The following GAS7 variants were observed in gnomAD, a reference collection of about 807,000 sequenced individuals.
The protein encoded by GAS7 is growth arrest specific 7.
Under a neutral mutation model 71.1 loss-of-function variants are expected in GAS7, and 28 were observed. That is an observed-to-expected ratio of 0.39 (90% CI 0.29 to 0.54). GAS7 has a LOEUF of 0.54. Among genes scored for constraint, GAS7 ranks in the 20% least tolerant of loss-of-function variants. The pLI, the probability that GAS7 is intolerant of heterozygous loss-of-function variation, is 0.62. For synonymous variants in GAS7, 258 were observed against 245.8 expected (o/e 1.05, Z -0.46); for missense variants, 436 against 627.8 (o/e 0.69, Z 3.27).
intron 1 of GAS7, among the ~76,000 whole-genome samples, chr17:10,197,403 A>C (rs1567629221): frequency 1.3e-5 from 2 of 151,720 alleles, no homozygotes; most frequent in African/African-American, 2.4e-5. Flanking sequence ...CTGGAAGGTC[A>C]CCCCCCCACA....
At chr17:10,004,794 G>A (rs1314523615) in intron 2 of GAS7, among the ~76,000 whole-genome samples, 2 of 152,124 alleles carry the variant, frequency 1.3e-5, no homozygotes, top group Non-Finnish European at 2.9e-5. Context: ...GGCAGATCAC[G>A]AGGTCAGGAG....
intron 1 of GAS7, among the ~76,000 whole-genome samples, chr17:10,125,110 T>A (rs1428087120): frequency 6.7e-6 from 1 of 149,880 alleles, no homozygotes; most frequent in East Asian, 1.9e-4. Context: ...TCAGTGTCCA[T>A]CATAAGGGGA....
At chr17:10,091,621 C>T (rs1162615200) in intron 1 of GAS7, among the ~76,000 whole-genome samples, 4 of 152,090 alleles carry the variant, frequency 2.6e-5, no homozygotes, top group East Asian at 1.9e-4. Context: ...CTCTTGACCT[C>T]GTGAGCTGCC....
chr17:9,999,761 A>G (rs2071192901), intron 2 of GAS7, among the ~76,000 whole-genome samples: 1 of 152,180 alleles, frequency 6.6e-6, no homozygotes, highest in Non-Finnish European at 1.5e-5. Flanking sequence ...ATGTATAGAA[A>G]TTCTGGGCAA....
At chr17:10,165,077 G>T (rs1283797548) in intron 1 of GAS7, among the ~76,000 whole-genome samples, 1 of 150,370 alleles carries the variant, frequency 6.7e-6, no homozygotes, top group Non-Finnish European at 1.5e-5. Context: ...AAGGTCAGGA[G>T]ATCGAGATCA....
chr17:10,055,087 G>C (rs140395452), intron 1 of GAS7, among the ~76,000 whole-genome samples: 3 of 152,324 alleles, frequency 2.0e-5, no homozygotes, highest in Non-Finnish European at 4.4e-5. Flanking sequence ...TGATAGAAGA[G>C]CAGGAATTTG....
At chr17:9,967,355 G>A (rs1260291508) in intron 4 of GAS7, among the ~76,000 whole-genome samples, 1 of 152,080 alleles carries the variant, frequency 6.6e-6, no homozygotes, top group Non-Finnish European at 1.5e-5. Flanking sequence ...CTTTGCTGTG[G>A]TGTCCCATGC....
chr17:9,988,849 CTT>C (rs554594604), intron 2 of GAS7, among the ~76,000 whole-genome samples: 312 of 131,728 alleles, frequency 2.4e-3, no homozygotes, highest in African/African-American at 7.8e-3. Flanking sequence ...CTGTCATTTC[CTT>C]TTTTTTTTTT....
At chr17:10,043,509 C>G (rs975273875) in intron 1 of GAS7, among the ~76,000 whole-genome samples, 4 of 152,236 alleles carry the variant, frequency 2.6e-5, no homozygotes, top group Middle Eastern at 3.2e-3. Flanking sequence ...CAACCTACTG[C>G]TGACTAGAAG....
rs146982421 is a variant in GAS7, at chr17:10,097,625, G to A, written c.184-77728C>T. Among the ~76,000 whole-genome samples, 11 of 152,284 alleles carry A rather than the reference G, an allele frequency of 7.2e-5. No homozygotes were observed. In the East Asian group the frequency reaches 1.9e-3, roughly 27 times the overall value. ...ACATTTTTACAAACTCAGGACCTCA[G>A]AGCCGTAATAACCCATGTGGGCTCT... On this transcript the variant is annotated intron_variant, in intron 1 of 13. Transcript: ENST00000432992.
At position 9,944,233 on chromosome 17, in the gene GAS7, G is replaced by A. The variant is rs368272652; in HGVS notation, c.616-997C>T. Reference sequence around the variant, plus strand: ...GGCTGCTGGAGCACCAGCTCCCAGGGCCATCCCAGGCATGTCTAAAAGTGT... The same window carrying A: ...GGCTGCTGGAGCACCAGCTCCCAGGACCATCCCAGGCATGTCTAAAAGTGT... On this transcript the variant is annotated intron_variant, in intron 6 of 13. Transcript: ENST00000432992. 3.0e-3 allele frequency among the ~76,000 whole-genome samples: 456 copies of A among 152,284 alleles called. 2 individuals carry two copies. Among genetic ancestry groups the A allele is most frequent in the African/African-American group, 0.011 (449 of 41,548 alleles).
intron 1 of GAS7, among the ~76,000 whole-genome samples, chr17:10,023,225 G>A (rs79917436): frequency 0.013 from 1,933 of 152,290 alleles, 33 homozygotes; most frequent in African/African-American, 0.043. Context: ...CTGCAGGGCC[G>A]CACTCTGCCT....
At chr17:10,037,367 T>C (rs1051061333) in intron 1 of GAS7, among the ~76,000 whole-genome samples, 5 of 152,212 alleles carry the variant, frequency 3.3e-5, no homozygotes, top group South Asian at 2.1e-4. Context: ...AGCTGACTAT[T>C]TAGCACTCAA....
At chr17:10,010,410 C>T (rs2071723215) in intron 2 of GAS7, among the ~76,000 whole-genome samples, 1 of 152,138 alleles carries the variant, frequency 6.6e-6, no homozygotes. Flanking sequence ...CCTCAGCCTC[C>T]CAAAGTGCTG....
intron 2 of GAS7, among the ~76,000 whole-genome samples, chr17:10,015,729 T>C (rs1255494667): frequency 4.6e-5 from 7 of 152,154 alleles, no homozygotes; most frequent in Non-Finnish European, 7.3e-5. Context: ...TAATATGATG[T>C]TCATGGGCTG....
In GAS7 at chr17:9,912,546, G is replaced by C. The variant is rs929583432; in HGVS notation, c.*4682C>G. ...ACACTGAAGCCTGGGTCCCAGAAGG[G>C]AGCAGATCTGCTGGCTGAGATGCAA... is the stretch of plus-strand genomic sequence containing the variant. On this transcript the variant is annotated 3_prime_UTR_variant, in exon 14 of 14. Coordinates refer to ENST00000432992, the MANE Select transcript of GAS7 (RefSeq NM_201433.2). 2 of 232,964 alleles carry C rather than the reference G, an allele frequency of 8.6e-6. No homozygotes were observed. Among genetic ancestry groups the C allele is most frequent in the Non-Finnish European group, 1.7e-5 (2 of 117,942 alleles). The allele number at this position is 232,964 out of a possible 1,614,324, so 14.4% of individuals were successfully genotyped here. A position where few individuals can be genotyped will look rare whatever the true frequency, so the allele number is the denominator to read the frequency against.
intron 1 of GAS7, among the ~76,000 whole-genome samples, chr17:10,150,248 G>A (rs190897130): frequency 6.6e-6 from 1 of 152,192 alleles, no homozygotes. Flanking sequence ...AAGTGTGGTT[G>A]TGACATTTAC....
intron 1 of GAS7, among the ~76,000 whole-genome samples, chr17:10,123,123 G>A (rs1342799509): frequency 6.6e-6 from 1 of 152,242 alleles, no homozygotes; most frequent in East Asian, 1.9e-4. Flanking sequence ...ATGAGCCACT[G>A]CATCCGGCCT....
At position 10,176,367 on chromosome 17, in the gene GAS7, C is replaced by A. The variant is rs549755775; in HGVS notation, c.183+21841G>T. ...TGCAAGAGCTGGGGAGAGACTCCCCCACTCTCCTCCCTGCACAGCGTCTCT... is the reference window on the plus strand; with the variant it reads ...TGCAAGAGCTGGGGAGAGACTCCCCAACTCTCCTCCCTGCACAGCGTCTCT... On this transcript the variant is annotated intron_variant, in intron 1 of 13. Coordinates refer to ENST00000432992, the MANE Select transcript of GAS7 (RefSeq NM_201433.2). 2.8e-3 allele frequency among the ~76,000 whole-genome samples: 420 copies of A among 152,260 alleles called. 2 individuals carry two copies. The highest frequency in any genetic ancestry group is 9.1e-3 in the African/African-American group (379 of 41,542).
Sources: gnomAD v4.1 joint callset for allele counts (sites outside exome capture counted in the v4.1 genomes callset) on GRCh38, gnomAD v4.1.1 for gene constraint, MANE v1.5 for transcripts, NCBI Gene and HGNC (gene_info 2026-07-23, HGNC 2026-07-21) for gene names.